KNTC1: variants seen among roughly 807,000 people sequenced by gnomAD.
The protein encoded by KNTC1 is kinetochore-associated protein 1.
KNTC1 carries 253 observed loss-of-function variants against 314.4 expected under a neutral mutation model. That is an observed-to-expected ratio of 0.80 (90% CI 0.73 to 0.89). KNTC1 has a LOEUF of 0.89. Ranked by LOEUF, KNTC1 falls within the 40% of genes least tolerant of loss-of-function variation. KNTC1 has a pLI of 0.00. For synonymous variants in KNTC1, 901 were observed against 901.4 expected (o/e 1.00, Z 0.01); for missense variants, 2,475 against 2,572.9 (o/e 0.96, Z 0.82).
chr12:122,588,871 C>A (rs1869755490), intron 40 of KNTC1, 55 bp downstream of exon 40: 3 of 1,060,228 alleles, frequency 2.8e-6, no homozygotes, highest in African/African-American at 3.3e-5. Context: ...CCTTTTACCT[C>A]AGTTAATTGC....
chr12:122,622,495 A>C lies in KNTC1; in HGVS notation c.6403A>C (p.Lys2135Gln). The change falls in exon 62 of 64, where the codon AAG becomes CAG. Residue 2135 changes from lysine (K) to glutamine (Q), a missense_variant. By Grantham distance (53) the Lys-to-Gln change is moderately conservative. Transcript: ENST00000333479. ...TCTGATTTTGAATAATATCATCAAT[A>C]AGAAGGAGTTTGGGATTTTGGCAAA... The part of the protein sequence containing the change: ...RSLILNNIIN[K>Q]KEFGILAKTK... 1 of 1,583,098 alleles carries C rather than the reference A, an allele frequency of 6.3e-7. No individual in the cohort carries two copies. The highest frequency in any genetic ancestry group is 8.6e-7 in the Non-Finnish European group (1 of 1,162,356).
chr12:122,597,975 C>A, intron 44 of KNTC1, 37 bp downstream of exon 44: 1 of 1,494,294 alleles, frequency 6.7e-7, no homozygotes, highest in South Asian at 1.1e-5. Context: ...TCATCTCAGC[C>A]ATCCCTCCCA....
intron 16 of KNTC1, among the ~76,000 whole-genome samples, chr12:122,553,780 AATGT>A (rs1963360818): frequency 6.6e-6 from 1 of 152,050 alleles, no homozygotes; most frequent in African/African-American, 2.4e-5. Flanking sequence ...AAACTGTAAG[AATGT>A]ATGATTATGG....
At chr12:122,586,573 A>G (rs897634969) in intron 37 of KNTC1, 128 bp from the exon 38 acceptor site, 19 of 273,914 alleles carry the variant, frequency 6.9e-5, no homozygotes, top group Admixed American at 3.2e-4. Flanking sequence ...TTATTTATTT[A>G]TTAGTTGTAT....
Position 122,540,738 on chromosome 12 carries a change from G to A in KNTC1, c.445+984G>A, listed in dbSNP as rs913361112. On this transcript the variant is annotated intron_variant, in intron 5 of 63. Transcript: ENST00000333479. ...CCTTAGTTTATTTTGATATATCTGA[G>A]ATTTTTTTTTCTGGCACATGAAGTT... Among the ~76,000 whole-genome samples, 9 of 152,116 alleles carry A rather than the reference G, an allele frequency of 5.9e-5. 1 individual carries two copies. Among genetic ancestry groups the A allele is most frequent in the South Asian group, 2.1e-4 (1 of 4,816 alleles).
At chr12:122,592,457 G>A (rs1408488188) in intron 42 of KNTC1, among the ~76,000 whole-genome samples, 1 of 152,210 alleles carries the variant, frequency 6.6e-6, no homozygotes, top group East Asian at 1.9e-4. Flanking sequence ...CCCTTGGTGC[G>A]GGATCCACTA....
intron 57 of KNTC1, among the ~76,000 whole-genome samples, chr12:122,616,840 C>T (rs2138176609): frequency 6.6e-6 from 1 of 152,242 alleles, no homozygotes; most frequent in South Asian, 2.1e-4. Flanking sequence ...AATTCCAGAA[C>T]ATTTTCCTCA....
chr12:122,566,402 C>G (rs1964342586), intron 20 of KNTC1, among the ~76,000 whole-genome samples: 1 of 143,286 alleles, frequency 7.0e-6, no homozygotes, highest in African/African-American at 2.7e-5. Flanking sequence ...TGCCACTGCA[C>G]CTGGATAATT....
Position 122,568,308 on chromosome 12 carries a change from A to T in KNTC1, c.1652A>T (p.Asp551Val), listed in dbSNP as rs759598806. 5.0e-6 allele frequency: 8 copies of T among 1,594,574 alleles called. No homozygotes were observed. Among genetic ancestry groups the T allele is most frequent in the Non-Finnish European group, 6.0e-6 (7 of 1,163,208 alleles). The change falls in exon 21 of 64, where the codon GAT (aspartate) becomes GTT (valine). Residue 551 changes from aspartate (D) to valine (V), a missense_variant. Asp to Val is a radical substitution (Grantham distance 152, BLOSUM62 -3). Transcript: ENST00000333479. ...CTAAATAATGAAGATGATCTTAAAG[A>T]TATTTTTTTACAGCTAAAAGAAGGA... is the stretch of plus-strand genomic sequence containing the variant. ...EFLNNEDDLK[D>V]IFLQLKEGNL...
chr12:122,591,348 G>C lies in KNTC1; in HGVS notation c.4140G>C (p.Leu1380=). ...QNYDKILAIS[L]VGSELASLYQ... ...TTTTAATTTTTTAGGCAATATCTCT[G>C]GTGGGCTCTGAGCTGGCAAGTCTCT... Residue 1380 remains leucine, a synonymous_variant, in exon 42 of 64, where the codon CTG becomes CTC. Transcript: ENST00000333479. 6.3e-7 allele frequency: 1 copy of C among 1,594,632 alleles called. No homozygotes were observed. The highest frequency in any genetic ancestry group is 1.1e-5 in the South Asian group (1 of 90,662).
In KNTC1 at chr12:122,615,502, C is replaced by G; in HGVS notation, c.6006C>G (p.Ile2002Met). 1 of 1,527,480 alleles carries G rather than the reference C, an allele frequency of 6.5e-7. No individual in the cohort carries two copies. The highest frequency in any genetic ancestry group is 8.8e-7 in the Non-Finnish European group (1 of 1,131,724). The allele number at this position is 1,527,480 out of a possible 1,614,324, so 94.6% of individuals were successfully genotyped here. A position where few individuals can be genotyped will look rare whatever the true frequency, so the allele number is the denominator to read the frequency against. ...IPYLRKVLKA[I>M]SSIHSLWQVP... Reference sequence around the variant, plus strand: ...ATCTAAGGAAAGTTTTAAAAGCCATCTCCAGTATCCATTCTTTATGGCAGG... The same window carrying G: ...ATCTAAGGAAAGTTTTAAAAGCCATGTCCAGTATCCATTCTTTATGGCAGG... The change falls in exon 57 of 64, where the codon ATC becomes ATG. Residue 2002 changes from isoleucine to methionine, a missense_variant. Transcript: ENST00000333479.
intron 2 of KNTC1, among the ~76,000 whole-genome samples, chr12:122,531,098 C>T (rs928087710): frequency 6.6e-6 from 1 of 151,048 alleles, no homozygotes; most frequent in East Asian, 1.9e-4. Context: ...TGGAATCTGA[C>T]AGATAAGGCA....
At chr12:122,541,141 C>T (rs1046792848) in intron 5 of KNTC1, among the ~76,000 whole-genome samples, 11 of 151,834 alleles carry the variant, frequency 7.2e-5, no homozygotes, top group Non-Finnish European at 1.5e-4. Flanking sequence ...CCTGCGAGTG[C>T]AGGCCATTGC....
chr12:122,557,606 G>A lies in KNTC1; in HGVS notation c.1405G>A (p.Glu469Lys). 1.9e-6 allele frequency: 3 copies of A among 1,613,190 alleles called. No homozygotes were observed. Among genetic ancestry groups the A allele is most frequent in the Non-Finnish European group, 1.7e-6 (2 of 1,179,532 alleles). ...KENLHKIQDD[E>K]FVVNYCLKAQ... is the part of the protein sequence containing the mutation. Reference sequence around the variant, plus strand: ...TCTGGCATTTGTGAAACAGGATGATGAATTTGTGGTGAATTACTGCCTGAA... The same window carrying A: ...TCTGGCATTTGTGAAACAGGATGATAAATTTGTGGTGAATTACTGCCTGAA... The change falls in exon 18 of 64, where the codon GAA (glutamate) becomes AAA (lysine). Residue 469 changes from glutamate (E) to lysine (K), a missense_variant. Transcript: ENST00000333479.
intron 44 of KNTC1, among the ~76,000 whole-genome samples, chr12:122,598,198 A>C (rs1434138491): frequency 2.0e-5 from 3 of 152,188 alleles, no homozygotes; most frequent in Non-Finnish European, 4.4e-5. Flanking sequence ...AAATGTATAA[A>C]TCAAAACAAG....
In KNTC1 at chr12:122,594,321, G is replaced by A. The variant is rs767645076; in HGVS notation, c.4291G>A (p.Asp1431Asn). ...VFRQHFLTKK[D>N]LIKALVENID... ...CAGGCAACATTTTCTCACCAAGAAA[G>A]ACCTCATTAAAGCTCTTGTGGAGAA... Residue 1431 changes from aspartate to asparagine, a missense_variant, in exon 43 of 64, where the codon GAC becomes AAC. Coordinates refer to ENST00000333479, the MANE Select transcript of KNTC1 (RefSeq NM_014708.6). 1.2e-6 allele frequency: 2 copies of A among 1,611,264 alleles called. No homozygotes were observed. Among genetic ancestry groups the A allele is most frequent in the South Asian group, 2.2e-5 (2 of 90,860 alleles).
intron 53 of KNTC1, 168 bp from the exon 54 acceptor site, chr12:122,612,944 A>G (rs1873334362): frequency 1.7e-6 from 1 of 585,324 alleles, no homozygotes; most frequent in African/African-American, 1.9e-5. Flanking sequence ...TCAGGGGTCC[A>G]TGGACCACAT....
Position 122,622,512 on chromosome 12 carries a change from T to G in KNTC1, c.6420T>G (p.Ile2140Met). 1 of 1,583,238 alleles carries G rather than the reference T, an allele frequency of 6.3e-7. No homozygotes were observed. Among genetic ancestry groups the G allele is most frequent in the Non-Finnish European group, 8.6e-7 (1 of 1,162,902 alleles). ...NNIINKKEFG[I>M]LAKTKYFQML... The stretch of plus-strand genomic sequence containing the variant: ...TCATCAATAAGAAGGAGTTTGGGAT[T>G]TTGGCAAAGACCAAATACTTTCAAA... Residue 2140 changes from isoleucine to methionine, a missense_variant, in exon 62 of 64, where the codon ATT becomes ATG. Coordinates refer to ENST00000333479, the MANE Select transcript of KNTC1 (RefSeq NM_014708.6).
At chr12:122,557,731 A>G in intron 18 of KNTC1, 42 bp downstream of exon 18, 1 of 1,394,114 alleles carries the variant, frequency 7.2e-7, no homozygotes, top group South Asian at 1.2e-5. Context: ...GGGGCAGGGG[A>G]GAATTTGCTT....
Sources: gnomAD v4.1 joint callset for allele counts (sites outside exome capture counted in the v4.1 genomes callset) on GRCh38, gnomAD v4.1.1 for gene constraint, MANE v1.5 for transcripts, NCBI Gene and HGNC (gene_info 2026-07-23, HGNC 2026-07-21) for gene names.